PKNOX2: variants seen among roughly 807,000 people sequenced by gnomAD.
PKNOX2 encodes homeobox protein PKNOX2.
PKNOX2 carries 14 observed loss-of-function variants against 53.1 expected under a neutral mutation model. That is an observed-to-expected ratio of 0.26 (90% CI 0.17 to 0.41). PKNOX2 has a LOEUF of 0.41. Among genes scored for constraint, PKNOX2 ranks in the 10% least tolerant of loss-of-function variants. The pLI is 1.00. For synonymous variants in PKNOX2, 257 were observed against 242.8 expected (o/e 1.06, Z -0.54); for missense variants, 496 against 602.8 (o/e 0.82, Z 1.85).
At chr11:125,377,517 C>T (rs754241005) in intron 5 of PKNOX2, among the ~76,000 whole-genome samples, 52 of 152,144 alleles carry the variant, frequency 3.4e-4, no homozygotes, top group Non-Finnish European at 6.8e-4. Context: ...GAGCAAAGGG[C>T]AAAGATGGGC....
At chr11:125,376,546 A>G (rs1351026878) in intron 5 of PKNOX2, among the ~76,000 whole-genome samples, 6 of 152,212 alleles carry the variant, frequency 3.9e-5, no homozygotes, top group Non-Finnish European at 7.4e-5. Flanking sequence ...TTTCGTAGCA[A>G]CTGTGACTAG....
intron 1 of PKNOX2, among the ~76,000 whole-genome samples, chr11:125,221,924 T>A (rs956346250): frequency 3.3e-5 from 5 of 152,222 alleles, no homozygotes; most frequent in African/African-American, 1.2e-4. Flanking sequence ...TCACTTGCTG[T>A]CGCCTGGTTG....
intron 1 of PKNOX2, among the ~76,000 whole-genome samples, chr11:125,223,329 A>G (rs1478402828): frequency 6.6e-6 from 1 of 151,764 alleles, no homozygotes; most frequent in Non-Finnish European, 1.5e-5. Flanking sequence ...TCCCTGGTTT[A>G]AGTGATTCTC....
rs139052631 is a variant in PKNOX2, at chr11:125,302,594, G to A, written c.-129-29225G>A. Among the ~76,000 whole-genome samples, 226 of 152,314 alleles carry A rather than the reference G, an allele frequency of 1.5e-3. 1 individual carries two copies. Among genetic ancestry groups the A allele is most frequent in the African/African-American group, 5.2e-3 (217 of 41,574 alleles). ...GGGGCCATGCAGCCAAGGGGATTGAGTCAGGCCCTCCAGAGTATTGGGGGT... is the reference window on the plus strand; with the variant it reads ...GGGGCCATGCAGCCAAGGGGATTGAATCAGGCCCTCCAGAGTATTGGGGGT... On this transcript the variant is annotated intron_variant, in intron 2 of 12. Coordinates refer to ENST00000298282, the MANE Select transcript of PKNOX2 (RefSeq NM_001382323.2).
At chr11:125,188,054 A>G (rs1023599461) in intron 1 of PKNOX2, 2 of 152,194 alleles carry the variant, frequency 1.3e-5, no homozygotes, top group Non-Finnish European at 2.9e-5. Flanking sequence ...TTATTACCTC[A>G]TTTGATTCTA....
At chr11:125,209,772 T>C (rs1939607309) in intron 1 of PKNOX2, among the ~76,000 whole-genome samples, 1 of 151,784 alleles carries the variant, frequency 6.6e-6, no homozygotes, top group Non-Finnish European at 1.5e-5. Flanking sequence ...AAAGGGCGCC[T>C]CTCCCAAGGC....
rs1307384997 is a variant in PKNOX2 at position 125,370,937 on chromosome 11, T to C, written c.227+2952T>C. Among the ~76,000 whole-genome samples, 1 of 151,992 alleles carries C rather than the reference T, an allele frequency of 6.6e-6. No individual in the cohort carries two copies. Among genetic ancestry groups the C allele is most frequent in the Non-Finnish European group, 1.5e-5 (1 of 67,980 alleles). ...TCATGGCCCCTGCTAGAACCACAGA[T>C]GAAGGAAGGGTGGGTGTGGCCCCTC... is the stretch of plus-strand genomic sequence containing the variant. On this transcript the variant is annotated intron_variant, in intron 5 of 12. Transcript: ENST00000298282. This position sits in a 1 kb window ranked among gnomAD's most constrained non-coding sequence, Gnocchi z 4.1.
intron 2 of PKNOX2, among the ~76,000 whole-genome samples, chr11:125,252,200 T>G (rs1591497162): frequency 6.6e-6 from 1 of 152,094 alleles, no homozygotes; most frequent in African/African-American, 2.4e-5. Flanking sequence ...GGGAGCTTGG[T>G]GAATCACATC....
In PKNOX2 at chr11:125,206,633, C is replaced by T. The variant is rs150612898; in HGVS notation, c.-200-28412C>T. Among the ~76,000 whole-genome samples the T allele has an allele frequency of 4.2e-3, 641 of 152,084 alleles. 10 individuals are homozygous for T. Among genetic ancestry groups the T allele is most frequent in the Middle Eastern group, 0.02 (6 of 294 alleles). ...CTACTTGCGAGCTGGTGATCTTGAG[C>T]GAAAAACGTCATCTCTTGGTGCCTC... On this transcript the variant is annotated intron_variant, in intron 1 of 12. Coordinates refer to ENST00000298282, the MANE Select transcript of PKNOX2 (RefSeq NM_001382323.2).
chr11:125,423,549 A>G (rs1009822899), intron 10 of PKNOX2, among the ~76,000 whole-genome samples: 2 of 152,224 alleles, frequency 1.3e-5, no homozygotes, highest in Admixed American at 1.3e-4. Flanking sequence ...GTGTTCGTTC[A>G]TTCAACAGAT....
At chr11:125,278,640 C>T (rs1468244530) in intron 2 of PKNOX2, among the ~76,000 whole-genome samples, 1 of 152,166 alleles carries the variant, frequency 6.6e-6, no homozygotes, top group African/African-American at 2.4e-5. Flanking sequence ...GAGGGGCCGA[C>T]TTGCTGGATT....
At chr11:125,322,684 C>G (rs907105818) in intron 2 of PKNOX2, among the ~76,000 whole-genome samples, 1 of 152,190 alleles carries the variant, frequency 6.6e-6, no homozygotes, top group Non-Finnish European at 1.5e-5. Context: ...GAAGGGGGAG[C>G]AGTTAGTCAT....
In PKNOX2 at chr11:125,237,205, T is replaced by C. The variant is rs977039490; in HGVS notation, c.-130+2090T>C. On this transcript the variant is annotated intron_variant, in intron 2 of 12. Coordinates refer to ENST00000298282, the MANE Select transcript of PKNOX2 (RefSeq NM_001382323.2). ...CCATGTAGCCTGAGCTTCCTCACAATATGGCAGCTTGATTCCAAGGGTGAG... is the reference window on the plus strand; with the variant it reads ...CCATGTAGCCTGAGCTTCCTCACAACATGGCAGCTTGATTCCAAGGGTGAG... Among the ~76,000 whole-genome samples the C allele has an allele frequency of 5.3e-5, 8 of 152,322 alleles. 1 individual carries two copies. Among genetic ancestry groups the C allele is most frequent in the African/African-American group, 1.9e-4 (8 of 41,576 alleles).
intron 10 of PKNOX2, among the ~76,000 whole-genome samples, chr11:125,421,284 G>A (rs1171143512): frequency 3.3e-5 from 5 of 152,168 alleles, no homozygotes; most frequent in African/African-American, 4.8e-5. Context: ...GGTTGCAAAA[G>A]GTTCTTTGAC....
At chr11:125,289,163 C>A (rs1057487995) in intron 2 of PKNOX2, among the ~76,000 whole-genome samples, 8 of 152,210 alleles carry the variant, frequency 5.3e-5, no homozygotes, top group Non-Finnish European at 1.2e-4. Context: ...GAACCCATAG[C>A]AGACCGGGGC....
rs1267319651 is a variant in PKNOX2, at chr11:125,333,535, G to GACACAC, written c.-23+1618_-23+1623dup. Among the ~76,000 whole-genome samples the GACACAC allele has an allele frequency of 4.7e-4, 62 of 131,976 alleles. 1 individual carries two copies. Among genetic ancestry groups the GACACAC allele is most frequent in the African/African-American group, 2.0e-3 (60 of 29,988 alleles). 86.6% of individuals were successfully genotyped at this position (131,976 alleles called of 152,430 possible). On this transcript the variant is annotated intron_variant, in intron 3 of 12. Transcript: ENST00000298282. ...CTGACCTTTGCCCTCTCAGTCCCAA[G>GACACAC]ACACACACACACATACACACACACA...
At chr11:125,413,429 G>A (rs1470914202) in intron 10 of PKNOX2, among the ~76,000 whole-genome samples, 1 of 152,158 alleles carries the variant, frequency 6.6e-6, no homozygotes, top group Non-Finnish European at 1.5e-5. Flanking sequence ...TGGGTCCAGC[G>A]TCCATGCCAC....
intron 3 of PKNOX2, among the ~76,000 whole-genome samples, chr11:125,349,559 G>A (rs764352570): frequency 4.6e-5 from 7 of 152,034 alleles, no homozygotes; most frequent in Non-Finnish European, 1.0e-4. Context: ...AGCACCGGGG[G>A]AGCCATCCCT....
intron 5 of PKNOX2, among the ~76,000 whole-genome samples, chr11:125,378,410 C>T (rs924045397): frequency 1.1e-4 from 17 of 152,228 alleles, no homozygotes; most frequent in South Asian, 6.2e-4. Context: ...CCATGCCTTC[C>T]ACCTCTGGAT....
Sources: allele counts gnomAD v4.1 joint callset (sites outside exome capture counted in the v4.1 genomes callset), GRCh38; gene constraint gnomAD v4.1.1; non-coding constraint Gnocchi (gnomAD v3.1); transcripts MANE v1.5; gene names NCBI Gene and HGNC (gene_info 2026-07-23, HGNC 2026-07-21).